IL1RAPL1: variants seen among roughly 807,000 people sequenced by gnomAD.
IL1RAPL1 encodes interleukin-1 receptor accessory protein-like 1.
Under a neutral mutation model 48.4 loss-of-function variants are expected in IL1RAPL1, and 3 were observed. That is an observed-to-expected ratio of 0.06 (90% CI 0.03 to 0.16). The LOEUF (loss-of-function observed/expected upper bound fraction) is 0.16. IL1RAPL1 is among the 10% of genes least tolerant of loss of function. The pLI, the probability that IL1RAPL1 is intolerant of heterozygous loss-of-function variation, is 1.00. For missense variants in IL1RAPL1, 349 were observed against 530.6 expected (o/e 0.66, Z 3.36); for synonymous variants, 185 against 187.7 (o/e 0.99, Z 0.12).
At chrX:28,651,664 T>C (rs1366989812) in intron 1 of IL1RAPL1, among the ~76,000 whole-genome samples, 1 of 112,687 alleles carries the variant, frequency 8.9e-6, no homozygotes, top group African/African-American at 3.2e-5. Context: ...ATCCTTCTCA[T>C]TTGAGAACAT....
chrX:29,731,988 A>G (rs1157876746), intron 6 of IL1RAPL1, among the ~76,000 whole-genome samples: 1 of 112,186 alleles, frequency 8.9e-6, no homozygotes, highest in Non-Finnish European at 1.9e-5. Context: ...TCCTTCAGCT[A>G]ATGAACCACA....
chrX:29,299,050 A>C (rs1323699794), intron 3 of IL1RAPL1, among the ~76,000 whole-genome samples: 1 of 109,053 alleles, frequency 9.2e-6, no homozygotes, highest in Non-Finnish European at 1.9e-5. Flanking sequence ...CTAGAATATA[A>C]AGCAGGCAGA....
chrX:28,962,878 GTGTA>G (rs1210220989), intron 2 of IL1RAPL1, among the ~76,000 whole-genome samples: 12 of 94,408 alleles, frequency 1.3e-4, no homozygotes, highest in African/African-American at 5.5e-4. Flanking sequence ...GTGTGTCTGT[GTGTA>G]TGTGTGTGTG....
At chrX:29,562,098 TATCTATCTATCTATCTA>T (rs1196321591) in intron 5 of IL1RAPL1, among the ~76,000 whole-genome samples, 756 of 72,163 alleles carry the variant, frequency 0.01, 11 homozygotes, top group African/African-American at 0.043. Flanking sequence ...TCTGTCTATC[TATCTATCTATCTATCTA>T]ATCTATCTAT....
intron 5 of IL1RAPL1, among the ~76,000 whole-genome samples, chrX:29,637,508 T>C (rs1421192198): frequency 9.0e-6 from 1 of 111,440 alleles, no homozygotes; most frequent in East Asian, 2.8e-4. Flanking sequence ...AAAGTTGATA[T>C]ATATGAATTG....
chrX:29,803,341 GTA>G (rs1930127315), intron 6 of IL1RAPL1, among the ~76,000 whole-genome samples: 3 of 68,141 alleles, frequency 4.4e-5, no homozygotes, highest in Non-Finnish European at 5.1e-5. Flanking sequence ...ATACACATAT[GTA>G]TATATGTATA....
chrX:29,383,714 A>G (rs1008095148), intron 3 of IL1RAPL1, among the ~76,000 whole-genome samples: 3 of 112,138 alleles, frequency 2.7e-5, no homozygotes, highest in Non-Finnish European at 5.6e-5. Flanking sequence ...AGAAATCTCT[A>G]AAAATTACAT....
chrX:28,981,086 G>A (rs1467022079), intron 2 of IL1RAPL1, among the ~76,000 whole-genome samples: 1 of 36,607 alleles, frequency 2.7e-5, no homozygotes, highest in African/African-American at 1.6e-4. Context: ...GTGAGACCCT[G>A]TCTCAAAAAA....
At chrX:29,543,137 C>T (rs756377243) in intron 5 of IL1RAPL1, among the ~76,000 whole-genome samples, 1 of 109,431 alleles carries the variant, frequency 9.1e-6, no homozygotes, top group African/African-American at 3.3e-5. Context: ...CTCTCTCTCT[C>T]TCTCTCTCTC....
intron 6 of IL1RAPL1, among the ~76,000 whole-genome samples, chrX:29,703,074 A>G (rs1180256350): frequency 8.9e-6 from 1 of 111,950 alleles, no homozygotes; most frequent in Non-Finnish European, 1.9e-5. Context: ...AAGACATGAC[A>G]TTGTTTCCAA....
chrX:29,465,365 C>T (rs757870553), intron 5 of IL1RAPL1, among the ~76,000 whole-genome samples: 6 of 111,626 alleles, frequency 5.4e-5, no homozygotes, highest in East Asian at 5.6e-4. Flanking sequence ...ATGATTGTGC[C>T]GCTGCACTCC....
intron 2 of IL1RAPL1, among the ~76,000 whole-genome samples, chrX:28,834,656 G>A (rs184233066): frequency 3.0e-4 from 33 of 111,252 alleles, no homozygotes; most frequent in Admixed American, 9.6e-4. Flanking sequence ...TTTGAGCTGG[G>A]CTCTTGCATA....
intron 2 of IL1RAPL1, among the ~76,000 whole-genome samples, chrX:29,195,395 C>A (rs1930423118): frequency 9.0e-6 from 1 of 110,729 alleles, no homozygotes; most frequent in African/African-American, 3.3e-5. Flanking sequence ...TTCCAGACAC[C>A]CAGGAAGGTT....
intron 1 of IL1RAPL1, among the ~76,000 whole-genome samples, chrX:28,740,849 G>A (rs749901821): frequency 1.1e-4 from 12 of 111,525 alleles, no homozygotes; most frequent in South Asian, 3.7e-4. Context: ...GCTGTGTGGC[G>A]TTTCATGGTG....
At chrX:29,531,624 A>G (rs1278520749) in intron 5 of IL1RAPL1, among the ~76,000 whole-genome samples, 2 of 112,115 alleles carry the variant, frequency 1.8e-5, no homozygotes, top group African/African-American at 3.2e-5. Flanking sequence ...AGAAGATACC[A>G]TGAACCGAGT....
rs144256612 is a variant in IL1RAPL1 at position 29,560,660 on chromosome X, C to T, written c.704-107770C>T. On this transcript the variant is annotated intron_variant, in intron 5 of 10. Transcript: ENST00000378993. ...TGCTTTATCACGTCTGCTATTTATG[C>T]TGTTCATTGTATTCATTATATTCTT... Among the ~76,000 whole-genome samples, 66 of 111,992 alleles carry T rather than the reference C, an allele frequency of 5.9e-4. 2 individuals are homozygous for T. The highest frequency in any genetic ancestry group is 4.5e-3 in the East Asian group (16 of 3,576).
At chrX:29,641,205 A>C (rs1185820736) in intron 5 of IL1RAPL1, among the ~76,000 whole-genome samples, 1 of 111,311 alleles carries the variant, frequency 9.0e-6, no homozygotes, top group Admixed American at 9.4e-5. Flanking sequence ...CAAACAAACA[A>C]ACAAAGGAAA....
chrX:29,043,465 G>A (rs779378844), intron 2 of IL1RAPL1, among the ~76,000 whole-genome samples: 13 of 109,332 alleles, frequency 1.2e-4, no homozygotes, highest in Admixed American at 9.8e-4. Context: ...CTTTTTTTCC[G>A]AGTCCACCAG....
chrX:29,481,718 C>T (rs1935043934), intron 5 of IL1RAPL1, among the ~76,000 whole-genome samples: 1 of 111,975 alleles, frequency 8.9e-6, no homozygotes, highest in South Asian at 3.8e-4. Context: ...AAACTAACCA[C>T]CACTTAAGAA....
Sources: gnomAD v4.1 joint callset for allele counts (sites outside exome capture counted in the v4.1 genomes callset) on GRCh38, gnomAD v4.1.1 for gene constraint, MANE v1.5 for transcripts, NCBI Gene and HGNC (gene_info 2026-07-23, HGNC 2026-07-21) for gene names.